PLCB1: variants seen among roughly 807,000 people sequenced by gnomAD.
PLCB1 encodes 1-phosphatidylinositol 4,5-bisphosphate phosphodiesterase beta-1.
In PLCB1, 46 loss-of-function variants were observed where a neutral mutation model predicts 161.8. That is an observed-to-expected ratio of 0.28 (90% confidence interval 0.22 to 0.36). The LOEUF is 0.36. PLCB1 is among the 10% of genes least tolerant of loss of function. PLCB1 has a pLI of 1.00. For synonymous variants in PLCB1, 517 were observed against 503.7 expected, an observed-to-expected ratio of 1.03 and a Z score of -0.35; for missense variants, 1,016 against 1,472.5, an observed-to-expected ratio of 0.69 and a Z score of 5.07.
chr20:8,621,426 T>C (rs1253022590), intron 3 of PLCB1, among the ~76,000 whole-genome samples: 10 of 152,212 alleles, frequency 6.6e-5, no homozygotes, highest in Non-Finnish European at 1.2e-4. Context: ...AAAAGCTAAC[T>C]ACTTTTTCCA....
At chr20:8,742,287 T>C (rs1980920278) in intron 23 of PLCB1, among the ~76,000 whole-genome samples, 1 of 152,132 alleles carries the variant, frequency 6.6e-6, no homozygotes, top group African/African-American at 2.4e-5. Context: ...TATTTTCATA[T>C]TTTATTCAGA....
At position 8,452,204 on chromosome 20, in the gene PLCB1, T is replaced by C. The variant is rs548922120; in HGVS notation, c.246+80754T>C. Among the ~76,000 whole-genome samples the C allele has an allele frequency of 3.9e-5, 6 of 152,364 alleles. No individual in the cohort carries two copies. The South Asian group carries it at 1.2e-3, about 32-fold the overall frequency. The stretch of plus-strand genomic sequence containing the variant: ...CAATGCCTCTGCTAAGAAATAAGCA[T>C]TTTCTCATAGGAAGAGATTATTCCT... On this transcript the variant is annotated intron_variant, in intron 3 of 31. Transcript: ENST00000338037.
intron 2 of PLCB1, among the ~76,000 whole-genome samples, chr20:8,315,292 A>T (rs1264557010): frequency 1.3e-5 from 2 of 152,112 alleles, no homozygotes; most frequent in Non-Finnish European, 2.9e-5. Flanking sequence ...AGCCACCAAA[A>T]AAGTGACAAA....
intron 3 of PLCB1, among the ~76,000 whole-genome samples, chr20:8,556,411 T>G (rs769734535): frequency 2.0e-5 from 3 of 152,150 alleles, no homozygotes; most frequent in Non-Finnish European, 4.4e-5. Flanking sequence ...TTATAAACAA[T>G]AGACAACCCT....
At chr20:8,224,935 G>T (rs1979604835) in intron 2 of PLCB1, among the ~76,000 whole-genome samples, 1 of 152,090 alleles carries the variant, frequency 6.6e-6, no homozygotes, top group Admixed American at 6.6e-5. Flanking sequence ...TATGCTTGTG[G>T]TATTCATTTT....
chr20:8,696,707 G>A (rs1027225658), intron 10 of PLCB1, among the ~76,000 whole-genome samples: 6 of 151,942 alleles, frequency 3.9e-5, no homozygotes, highest in South Asian at 2.1e-4. Context: ...TAAGTTTTGC[G>A]ATCCTTTGTT....
chr20:8,530,214 T>C (rs1207408150), intron 3 of PLCB1, among the ~76,000 whole-genome samples: 3 of 152,166 alleles, frequency 2.0e-5, no homozygotes, highest in Non-Finnish European at 4.4e-5. Flanking sequence ...TTTTTCTTAT[T>C]GACTCATAAA....
At chr20:8,338,673 C>G (rs1252601501) in intron 2 of PLCB1, among the ~76,000 whole-genome samples, 1 of 152,126 alleles carries the variant, frequency 6.6e-6, no homozygotes, top group Non-Finnish European at 1.5e-5. Flanking sequence ...GTAGAATGCA[C>G]AAATCTCAAA....
intron 2 of PLCB1, among the ~76,000 whole-genome samples, chr20:8,245,779 G>A (rs1980848761): frequency 1.3e-5 from 2 of 151,898 alleles, no homozygotes; most frequent in South Asian, 4.1e-4. Flanking sequence ...ATTTGTTTGT[G>A]TTTAGTACTT....
At chr20:8,267,598 A>T (rs1009810337) in intron 2 of PLCB1, among the ~76,000 whole-genome samples, 4 of 152,096 alleles carry the variant, frequency 2.6e-5, no homozygotes, top group Non-Finnish European at 4.4e-5. Context: ...AGAAAACTCA[A>T]CCTGAAATAC....
chr20:8,500,240 C>T (rs1374476963), intron 3 of PLCB1, among the ~76,000 whole-genome samples: 1 of 152,160 alleles, frequency 6.6e-6, no homozygotes, highest in African/African-American at 2.4e-5. Context: ...GGAGACAGAA[C>T]ATTTTAATAA....
In PLCB1 at chr20:8,396,355, G is replaced by T. The variant is rs905170917; in HGVS notation, c.246+24905G>T. 2.6e-5 allele frequency among the ~76,000 whole-genome samples: 4 copies of T among 152,122 alleles called. No homozygotes were observed. The South Asian group carries it at 8.3e-4, about 32-fold the overall frequency. ...TCTTTTAATCCAACCAAAACATATT[G>T]CTTTAATGGCATTAGTTGGTATTAG... On this transcript the variant is annotated intron_variant, in intron 3 of 31. Coordinates refer to ENST00000338037, the MANE Select transcript of PLCB1 (RefSeq NM_015192.4).
At chr20:8,605,695 G>A (rs1301186942) in intron 3 of PLCB1, among the ~76,000 whole-genome samples, 3 of 149,888 alleles carry the variant, frequency 2.0e-5, no homozygotes, top group Non-Finnish European at 4.4e-5. Flanking sequence ...TTGTTACATG[G>A]ACAAGTTTCA....
chr20:8,805,256 T>A (rs1379524578), intron 31 of PLCB1, among the ~76,000 whole-genome samples: 1 of 152,206 alleles, frequency 6.6e-6, no homozygotes, highest in African/African-American at 2.4e-5. Flanking sequence ...TGGTAACCCA[T>A]TTTTTAAATA....
intron 3 of PLCB1, among the ~76,000 whole-genome samples, chr20:8,387,976 T>TAAAA (rs1568657457): frequency 7.8e-6 from 1 of 128,776 alleles, no homozygotes; most frequent in African/African-American, 3.6e-5. Context: ...ACCACTTTTT[T>TAAAA]TAAAAAAAAA....
At position 8,883,653 on chromosome 20, in the gene PLCB1, C is replaced by G. The variant is rs1249407382; in HGVS notation, c.*1804C>G. ...CTAGAGATTACAATTAAATTTTAATCAAAATGAAGGCTTAGTTCAAACATA... is the reference window on the plus strand; with the variant it reads ...CTAGAGATTACAATTAAATTTTAATGAAAATGAAGGCTTAGTTCAAACATA... On this transcript the variant is annotated 3_prime_UTR_variant, in exon 32 of 32. Transcript: ENST00000338037. The G allele has an allele frequency of 6.6e-6, 1 of 151,396 alleles. No homozygotes were observed. The highest frequency in any genetic ancestry group is 2.4e-5 in the African/African-American group (1 of 41,074). The allele number at this position is 151,396 out of a possible 1,614,324, so 9.4% of individuals were successfully genotyped here.
At chr20:8,780,983 C>G (rs1166656997) in intron 27 of PLCB1, among the ~76,000 whole-genome samples, 1 of 152,190 alleles carries the variant, frequency 6.6e-6, no homozygotes, top group Non-Finnish European at 1.5e-5. Flanking sequence ...CAAATATAAA[C>G]AAGTATTACA....
At chr20:8,728,806 C>CT (rs1980078031) in intron 17 of PLCB1, among the ~76,000 whole-genome samples, 1 of 151,886 alleles carries the variant, frequency 6.6e-6, no homozygotes, top group Admixed American at 6.6e-5. Flanking sequence ...GTTTAGAAAG[C>CT]TTTTTGCATA....
intron 3 of PLCB1, among the ~76,000 whole-genome samples, chr20:8,562,472 G>A (rs1048996721): frequency 1.3e-5 from 2 of 152,060 alleles, no homozygotes; most frequent in Admixed American, 6.6e-5. Flanking sequence ...GCTGTGCTCC[G>A]GCAGAAAGCC....
Sources: allele counts gnomAD v4.1 joint callset (sites outside exome capture counted in the v4.1 genomes callset), GRCh38; gene constraint gnomAD v4.1.1; transcripts MANE v1.5; gene names NCBI Gene and HGNC (gene_info 2026-07-23, HGNC 2026-07-21).